NSD3: variants seen among roughly 807,000 people sequenced by gnomAD.
NSD3 encodes histone-lysine N-methyltransferase NSD3.
A neutral mutation model predicts 160.8 loss-of-function variants in NSD3; 24 were observed. The observed-to-expected ratio is 0.15, with a 90% CI of 0.11 to 0.21. The LOEUF is 0.21. NSD3 is among the 10% of genes least tolerant of loss of function. NSD3 has a pLI of 1.00. For synonymous variants in NSD3, 520 were observed against 600.0 expected (o/e 0.87, Z 1.95); for missense variants, 1,157 against 1,735.9 (o/e 0.67, Z 5.93).
At chr8:38,363,017 G>A (rs565874706) in intron 1 of NSD3, among the ~76,000 whole-genome samples, 6 of 152,286 alleles carry the variant, frequency 3.9e-5, no homozygotes, top group Non-Finnish European at 7.4e-5. Flanking sequence ...CCAAATGTGC[G>A]CTGATAACTG....
At chr8:38,294,297 C>T (rs151199343) in intron 16 of NSD3, among the ~76,000 whole-genome samples, 8 of 152,190 alleles carry the variant, frequency 5.3e-5, no homozygotes, top group Admixed American at 5.2e-4. Context: ...AGTTTTGTCA[C>T]GTTGCCCATG....
Position 38,317,466 on chromosome 8 carries a change from G to A in NSD3, c.1856-1424C>T. 1 of 1,057,842 alleles carries A rather than the reference G, an allele frequency of 9.5e-7. No homozygotes were observed. Among genetic ancestry groups the A allele is most frequent in the Non-Finnish European group, 1.1e-6 (1 of 874,628 alleles). 65.5% of individuals were successfully genotyped at this position (1,057,842 alleles called of 1,614,324 possible). A position where few individuals can be genotyped will look rare whatever the true frequency, so the allele number is the denominator to read the frequency against. ...GAGAGGCTTTCGAAGGGAAACACAG[G>A]TACCGCCATTTCCGATGAGTTTCTG... On this transcript the variant is annotated intron_variant, in intron 9 of 23. Coordinates refer to ENST00000317025, the MANE Select transcript of NSD3 (RefSeq NM_023034.2). This position sits in a 1 kb window ranked among gnomAD's most constrained non-coding sequence, Gnocchi z 5.3.
chr8:38,370,001 C>T (rs960009872), intron 1 of NSD3, among the ~76,000 whole-genome samples: 6 of 152,226 alleles, frequency 3.9e-5, no homozygotes, highest in Non-Finnish European at 5.9e-5. Flanking sequence ...ACCATGTTGA[C>T]CAGGCTGGTC....
In NSD3 at chr8:38,317,396, C is replaced by A; in HGVS notation, c.1856-1354G>T. ...AATATTTCCTTGGCCTAAAAGATCA[C>A]TGGATTAACAAGGAGTTTTAACAGA... On this transcript the variant is annotated intron_variant, in intron 9 of 23. Transcript: ENST00000317025. The surrounding 1 kb of genome is among the most constrained non-coding windows in gnomAD (Gnocchi z 5.3). 9.5e-7 allele frequency: 1 copy of A among 1,054,868 alleles called. No homozygotes were observed. Among genetic ancestry groups the A allele is most frequent in the Non-Finnish European group, 1.1e-6 (1 of 872,694 alleles). The allele number at this position is 1,054,868 out of a possible 1,614,324, so 65.3% of individuals were successfully genotyped here.
Position 38,326,754 on chromosome 8 carries a change from G to C in NSD3, c.1684C>G (p.Pro562Ala). The change falls in exon 7 of 24, where the codon CCT becomes GCT. Residue 562 changes from proline to alanine, a missense_variant. Transcript: ENST00000317025. ...NEKPTQSVSS[P>A]EATSGSTGSV... ...CCTGTAGAACCAGATGTTGCTTCAG[G>C]AGATGATACACTCTGCGTTGGCTTT... 1.2e-6 allele frequency: 2 copies of C among 1,613,496 alleles called. No homozygotes were observed. Among genetic ancestry groups the C allele is most frequent in the African/African-American group, 2.7e-5 (2 of 75,002 alleles).
chr8:38,370,177 T>C (rs1375481954), intron 1 of NSD3, among the ~76,000 whole-genome samples: 3 of 152,144 alleles, frequency 2.0e-5, no homozygotes, highest in East Asian at 1.9e-4. Flanking sequence ...GAAGGTCAAT[T>C]AGAACAAAGC....
chr8:38,275,782 C>T lies in NSD3; in HGVS notation c.4173G>A (p.Lys1391=). 6.2e-7 allele frequency: 1 copy of T among 1,614,154 alleles called. No homozygotes were observed. The change falls in exon 24 of 24, where the codon AAG becomes AAA. Residue 1391 remains lysine, a synonymous_variant. Transcript: ENST00000317025. ...CCAGTGCAGAGGGAACCAGGGCCCC[C>T]TTTTCATGATCTTTACAAAATGAAT... ...CPHSFCKDHE[K]GALVPSALEG... is the part of the protein sequence containing the mutation.
chr8:38,332,117 T>C (rs1436761400), intron 4 of NSD3, among the ~76,000 whole-genome samples: 2 of 152,172 alleles, frequency 1.3e-5, no homozygotes, highest in Non-Finnish European at 2.9e-5. Flanking sequence ...TGTTGCTTTT[T>C]TTTGTAGAGA....
At chr8:38,330,906 T>A (rs1454883776) in intron 5 of NSD3, among the ~76,000 whole-genome samples, 1 of 152,190 alleles carries the variant, frequency 6.6e-6, no homozygotes, top group East Asian at 1.9e-4. Context: ...TGTGCCTCAA[T>A]TTCTTCATCT....
chr8:38,293,135 CAAA>C (rs1005050554), intron 16 of NSD3, among the ~76,000 whole-genome samples: 9 of 68,474 alleles, frequency 1.3e-4, no homozygotes, highest in Admixed American at 1.6e-4. Context: ...GACTTTGTCT[CAAA>C]AAAAAAAAAA....
intron 1 of NSD3, among the ~76,000 whole-genome samples, chr8:38,363,639 CA>C (rs768805402): frequency 0.19 from 9,215 of 48,880 alleles, 105 homozygotes; most frequent in East Asian, 0.2. Flanking sequence ...GACTCCGTCT[CA>C]AAAAAAAAAA....
chr8:38,284,445 A>G (rs1808810022), intron 19 of NSD3, among the ~76,000 whole-genome samples: 1 of 152,134 alleles, frequency 6.6e-6, no homozygotes, highest in Non-Finnish European at 1.5e-5. Flanking sequence ...CTGGAGTGCA[A>G]TGGCGTGATC....
At chr8:38,280,755 C>CTTT (rs780082168) in intron 20 of NSD3, among the ~76,000 whole-genome samples, 2 of 138,656 alleles carry the variant, frequency 1.4e-5, no homozygotes, top group Non-Finnish European at 1.6e-5. Context: ...TCATTATTTT[C>CTTT]TTTTTTTTTT....
intron 1 of NSD3, among the ~76,000 whole-genome samples, chr8:38,355,096 T>C (rs1810791296): frequency 6.6e-6 from 1 of 152,094 alleles, no homozygotes; most frequent in Admixed American, 6.6e-5. Context: ...AAGACCTTAC[T>C]AGATTAGGGG....
chr8:38,373,652 A>G (rs534172118), intron 1 of NSD3, among the ~76,000 whole-genome samples: 2 of 152,168 alleles, frequency 1.3e-5, no homozygotes, highest in South Asian at 4.2e-4. Flanking sequence ...TCTCAAATCA[A>G]TTTGATAAAC....
In NSD3 at chr8:38,342,367, AAG is replaced by A. The variant is rs547628210; in HGVS notation, c.676-3762_676-3761del. ...GTACTAATTCCACTGCTTTGTCAGA[AAG>A]AGAAAACATCAGAGAAAAAGATGAC... On this transcript the variant is annotated intron_variant, in intron 2 of 23. Coordinates refer to ENST00000317025, the MANE Select transcript of NSD3 (RefSeq NM_023034.2). Among the ~76,000 whole-genome samples, 20 of 152,326 alleles carry A rather than the reference AAG, an allele frequency of 1.3e-4. No individual in the cohort carries two copies. The East Asian group carries it at 3.7e-3, about 28-fold the overall frequency.
intron 12 of NSD3, among the ~76,000 whole-genome samples, chr8:38,310,750 A>C (rs1408141945): frequency 6.6e-6 from 1 of 151,774 alleles, no homozygotes; most frequent in Non-Finnish European, 1.5e-5. Context: ...GGACTCAAGC[A>C]ATCCGCTCGT....
chr8:38,373,272 G>T (rs376808280), intron 1 of NSD3, among the ~76,000 whole-genome samples: 2 of 151,780 alleles, frequency 1.3e-5, no homozygotes, highest in East Asian at 3.9e-4. Flanking sequence ...GCTCAGGCTG[G>T]AGTGCAGTGG....
At chr8:38,294,704 G>A in intron 16 of NSD3, among the ~76,000 whole-genome samples, 1 of 152,094 alleles carries the variant, frequency 6.6e-6, no homozygotes. Flanking sequence ...CTGGCCAAGT[G>A]TGGTGGCTCA....
Sources: allele counts gnomAD v4.1 joint callset (sites outside exome capture counted in the v4.1 genomes callset), GRCh38; gene constraint gnomAD v4.1.1; non-coding constraint Gnocchi (gnomAD v3.1); transcripts MANE v1.5; gene names NCBI Gene and HGNC (gene_info 2026-07-23, HGNC 2026-07-21).